The following DPYSL2 variants were observed in gnomAD, a reference collection of about 807,000 sequenced individuals.
DPYSL2 encodes the protein dihydropyrimidinase-related protein 2.
DPYSL2 carries 13 observed loss-of-function variants against 69.9 expected under a neutral mutation model. The observed-to-expected ratio is 0.19, with a 90% CI of 0.12 to 0.30. The LOEUF (loss-of-function observed/expected upper bound fraction) is 0.30, where lower values mean the gene tolerates loss of function less well. DPYSL2 is among the 10% of genes least tolerant of loss of function. The pLI, the probability that DPYSL2 is intolerant of heterozygous loss-of-function variation, is 1.00. For synonymous variants in DPYSL2, 326 were observed against 359.1 expected (o/e 0.91, Z 1.04); for missense variants, 587 against 918.9 (o/e 0.64, Z 4.67).
Position 26,647,566 on chromosome 8 carries a change from A to T in DPYSL2, c.1426-64A>T. On this transcript the variant is annotated intron_variant, in intron 10 of 13. Transcript: ENST00000521913. This position sits in a 1 kb window ranked among gnomAD's most constrained non-coding sequence, Gnocchi z 5.1. ...GTGTGTATCAATAGTTTGTTATTGA[A>T]AAGTAACTTTTTAACTCGTTTCTGC... The T allele has an allele frequency of 6.6e-7, 1 of 1,513,682 alleles. No individual in the cohort carries two copies. The highest frequency in any genetic ancestry group is 2.3e-5 in the East Asian group (1 of 43,660). The allele number at this position is 1,513,682 out of a possible 1,614,324, so 93.8% of individuals were successfully genotyped here.
chr8:26,603,877 T>C (rs548094958), intron 3 of DPYSL2, among the ~76,000 whole-genome samples: 4 of 152,344 alleles, frequency 2.6e-5, no homozygotes, highest in African/African-American at 9.6e-5. Flanking sequence ...TATCCATTCA[T>C]CCATTGATTG....
intron 1 of DPYSL2, among the ~76,000 whole-genome samples, chr8:26,574,982 G>A (rs1801303409): frequency 6.6e-6 from 1 of 152,150 alleles, no homozygotes. Context: ...TGCCCAGGCT[G>A]AAGTGCAGTG....
In DPYSL2 at chr8:26,593,369, G is replaced by C. The variant is rs1345829408; in HGVS notation, c.628+9386G>C. Among the ~76,000 whole-genome samples the C allele has an allele frequency of 6.6e-6, 1 of 152,056 alleles. No homozygotes were observed. Among genetic ancestry groups the C allele is most frequent in the Non-Finnish European group, 1.5e-5 (1 of 67,990 alleles). ...TTTGAAAGCCTCAAGGTGATAGCTG[G>C]GATTAAGAATCATGGATCCCAGTGC... is the stretch of plus-strand genomic sequence containing the variant. On this transcript the variant is annotated intron_variant, in intron 3 of 13. Coordinates refer to ENST00000521913, the MANE Select transcript of DPYSL2 (RefSeq NM_001197293.3). This position sits in a 1 kb window ranked among gnomAD's most constrained non-coding sequence, Gnocchi z 5.7.
In DPYSL2 at chr8:26,624,257, AGT is replaced by A. The variant is rs768286519; in HGVS notation, c.745_746del (p.Trp249AlafsTer2). 2 of 1,614,194 alleles carry A rather than the reference AGT, an allele frequency of 1.2e-6. No homozygotes were observed. Among genetic ancestry groups the A allele is most frequent in the Non-Finnish European group, 8.5e-7 (1 of 1,180,026 alleles). The stretch of plus-strand genomic sequence containing the variant: ...TACTCTCTGCATGTGGACATCAGTG[AGT>A]GGCATAAGGGCATCCAGGAGGAGAT... On this transcript the variant is annotated frameshift_variant, in exon 4 of 14. Coordinates refer to ENST00000521913, the MANE Select transcript of DPYSL2 (RefSeq NM_001197293.3). LOFTEE classifies it high-confidence loss of function. This position sits in a 1 kb window ranked among gnomAD's most constrained non-coding sequence, Gnocchi z 4.7.
intron 1 of DPYSL2, among the ~76,000 whole-genome samples, chr8:26,559,358 A>C (rs1303682094): frequency 6.6e-6 from 1 of 152,228 alleles, no homozygotes; most frequent in African/African-American, 2.4e-5. Flanking sequence ...ATGCACATTA[A>C]AAATTTTAAT....
chr8:26,563,366 G>A (rs2129667938), intron 1 of DPYSL2, among the ~76,000 whole-genome samples: 2 of 152,232 alleles, frequency 1.3e-5, no homozygotes, highest in Admixed American at 1.3e-4. Flanking sequence ...CAAAGACTAA[G>A]TCTTCCCTTT....
At chr8:26,625,369 T>C (rs1563415195) in intron 4 of DPYSL2, among the ~76,000 whole-genome samples, 1 of 152,298 alleles carries the variant, frequency 6.6e-6, no homozygotes, top group South Asian at 2.1e-4. Context: ...TAACTGTGGA[T>C]ACTTAGACTG....
At chr8:26,550,634 G>A (rs1309752944) in intron 1 of DPYSL2, among the ~76,000 whole-genome samples, 6 of 152,148 alleles carry the variant, frequency 3.9e-5, no homozygotes. Flanking sequence ...CAGAAATGCA[G>A]ACTGATGGGA....
At chr8:26,543,777 G>A (rs1175257617) in intron 1 of DPYSL2, among the ~76,000 whole-genome samples, 5 of 152,050 alleles carry the variant, frequency 3.3e-5, no homozygotes, top group Admixed American at 1.3e-4. Flanking sequence ...GTGAGCCACC[G>A]CGCCTGGCCA....
rs747628014 is a variant in DPYSL2 at position 26,643,607 on chromosome 8, C to A, written c.1283+12C>A. The A allele has an allele frequency of 4.3e-6, 7 of 1,614,148 alleles. No individual in the cohort carries two copies. Among genetic ancestry groups the A allele is most frequent in the South Asian group, 3.3e-5 (3 of 91,070 alleles). ...TCCTTGCTGTCCTGGTGAGTCCTGG[C>A]GACTTGTTCACACTTCACATTCTGT... On this transcript the variant is annotated intron_variant, in intron 9 of 13. Transcript: ENST00000521913. This position sits in a 1 kb window ranked among gnomAD's most constrained non-coding sequence, Gnocchi z 6.5.
At chr8:26,583,592 T>G (rs1400764294) in intron 2 of DPYSL2, among the ~76,000 whole-genome samples, 1 of 152,190 alleles carries the variant, frequency 6.6e-6, no homozygotes, top group African/African-American at 2.4e-5. Context: ...TCTGGTGCCT[T>G]ATTTAACTTT....
chr8:26,618,778 C>CAAAAAAAAA (rs71216765), intron 3 of DPYSL2, among the ~76,000 whole-genome samples: 12 of 85,122 alleles, frequency 1.4e-4, no homozygotes, highest in Non-Finnish European at 1.8e-4. Context: ...CCATCTCTAC[C>CAAAAAAAAA]AAAAAAAAAA....
At chr8:26,537,606 C>T (rs1185949341) in intron 1 of DPYSL2, among the ~76,000 whole-genome samples, 2 of 32,930 alleles carry the variant, frequency 6.1e-5, no homozygotes, top group South Asian at 2.4e-3. Flanking sequence ...CTATCATTCT[C>T]TCTCTACACA....
rs1585527322 is a variant in DPYSL2 at position 26,587,739 on chromosome 8, G to A, written c.628+3756G>A. 6.6e-6 allele frequency among the ~76,000 whole-genome samples: 1 copy of A among 152,138 alleles called. No homozygotes were observed. The highest frequency in any genetic ancestry group is 2.1e-4 in the South Asian group (1 of 4,832). On this transcript the variant is annotated intron_variant, in intron 3 of 13. Coordinates refer to ENST00000521913, the MANE Select transcript of DPYSL2 (RefSeq NM_001197293.3). This position sits in a 1 kb window ranked among gnomAD's most constrained non-coding sequence, Gnocchi z 4.2. ...GAGACTGCAGACATACCCTGCAGGC[G>A]GCATCCAGACCGGCTGAGGGGTTGC...
chr8:26,524,200 G>T (rs1808438454), intron 1 of DPYSL2, among the ~76,000 whole-genome samples: 1 of 152,132 alleles, frequency 6.6e-6, no homozygotes, highest in African/African-American at 2.4e-5. Flanking sequence ...TAGGTTTCTT[G>T]TTTGTTTGTT....
At chr8:26,546,642 G>C (rs185670235) in intron 1 of DPYSL2, among the ~76,000 whole-genome samples, 1 of 152,076 alleles carries the variant, frequency 6.6e-6, no homozygotes, top group Non-Finnish European at 1.5e-5. Context: ...TGCAGAGGCC[G>C]GGCGTGGTGG....
chr8:26,639,872 T>C (rs1803001970), intron 8 of DPYSL2, among the ~76,000 whole-genome samples: 1 of 152,180 alleles, frequency 6.6e-6, no homozygotes, highest in African/African-American at 2.4e-5. Flanking sequence ...GAGAACGAAT[T>C]TCAGAAACCT....
intron 1 of DPYSL2, among the ~76,000 whole-genome samples, chr8:26,543,714 C>T (rs942898186): frequency 2.6e-5 from 4 of 152,066 alleles, no homozygotes; most frequent in Non-Finnish European, 4.4e-5. Flanking sequence ...CTCGAACTAC[C>T]GACTTCAGGT....
At position 26,646,157 on chromosome 8, in the gene DPYSL2, C is replaced by T. The variant is rs555431846; in HGVS notation, c.1426-1473C>T. ...CTGGGATTACAGGTGTGAGCCACCA[C>T]GCCCAGCCACATTTATGTCTTTGGT... On this transcript the variant is annotated intron_variant, in intron 10 of 13. Coordinates refer to ENST00000521913, the MANE Select transcript of DPYSL2 (RefSeq NM_001197293.3). Among the ~76,000 whole-genome samples the T allele has an allele frequency of 2.1e-3, 315 of 152,010 alleles. 2 individuals carry two copies. Among genetic ancestry groups the T allele is most frequent in the Middle Eastern group, 6.8e-3 (2 of 292 alleles).
Sources: allele counts gnomAD v4.1 joint callset (sites outside exome capture counted in the v4.1 genomes callset), GRCh38; gene constraint gnomAD v4.1.1; non-coding constraint Gnocchi (gnomAD v3.1); transcripts MANE v1.5; gene names NCBI Gene and HGNC (gene_info 2026-07-23, HGNC 2026-07-21).